ADARB2: variants seen among roughly 807,000 people sequenced by gnomAD.
ADARB2 encodes inactive double-stranded RNA-specific editase B2.
In ADARB2, 25 loss-of-function variants were observed where a neutral mutation model predicts 62.2. The ratio of observed to expected loss-of-function variants is 0.40; its 90% CI spans 0.29 to 0.56. ADARB2 has a LOEUF of 0.56. Among genes scored for constraint, ADARB2 ranks in the 20% least tolerant of loss-of-function variants. The pLI, the probability that ADARB2 is intolerant of heterozygous loss-of-function variation, is 0.43. For missense variants in ADARB2, 1,071 were observed against 1,077.4 expected, an observed-to-expected ratio of 0.99 and a Z score of 0.08; for synonymous variants, 572 against 500.8, an observed-to-expected ratio of 1.14 and a Z score of -1.90.
intron 1 of ADARB2, among the ~76,000 whole-genome samples, chr10:1,608,412 C>T (rs1315477073): frequency 6.6e-6 from 1 of 151,528 alleles, no homozygotes; most frequent in African/African-American, 2.4e-5. Flanking sequence ...AAGAACTCTA[C>T]CACTCTATCT....
At chr10:1,474,717 T>C (rs563944913) in intron 1 of ADARB2, among the ~76,000 whole-genome samples, 1 of 152,184 alleles carries the variant, frequency 6.6e-6, no homozygotes, top group African/African-American at 2.4e-5. Context: ...TGCGTGGGAA[T>C]GGATGAGCCC....
intron 1 of ADARB2, among the ~76,000 whole-genome samples, chr10:1,544,063 A>C (rs11250606): frequency 0.59 from 89,015 of 150,706 alleles, 26,545 homozygotes; most frequent in East Asian, 0.76. Flanking sequence ...ACGTGATGAA[A>C]GGGCAATGAT....
intron 8 of ADARB2, among the ~76,000 whole-genome samples, chr10:1,195,308 C>T (rs1836894679): frequency 6.6e-5 from 10 of 152,004 alleles, no homozygotes; most frequent in Admixed American, 3.9e-4. Flanking sequence ...GTTTGTGGTG[C>T]AGTCCCATGG....
chr10:1,451,369 C>T (rs182904189), intron 1 of ADARB2, among the ~76,000 whole-genome samples: 129 of 152,322 alleles, frequency 8.5e-4, no homozygotes, highest in Non-Finnish European at 1.5e-3. Context: ...CAACTTTGCA[C>T]CTGGCGGTGC....
At chr10:1,662,950 C>T (rs1834268315) in intron 1 of ADARB2, among the ~76,000 whole-genome samples, 1 of 152,130 alleles carries the variant, frequency 6.6e-6, no homozygotes, top group Non-Finnish European at 1.5e-5. Flanking sequence ...AGGGTGTGAC[C>T]CAGAGAACTG....
chr10:1,364,048 G>A, intron 2 of ADARB2, 131 bp from the exon 3 acceptor site: 1 of 1,258,776 alleles, frequency 7.9e-7, no homozygotes, highest in Non-Finnish European at 1.0e-6. Context: ...CCTGAGAAAT[G>A]ACTGTGGCCG....
chr10:1,623,039 C>T (rs909652165), intron 1 of ADARB2, among the ~76,000 whole-genome samples: 1 of 152,090 alleles, frequency 6.6e-6, no homozygotes. Context: ...AGATGAGCCT[C>T]AAAAACATTG....
chr10:1,679,613 A>G (rs1372054582), intron 1 of ADARB2, among the ~76,000 whole-genome samples: 1 of 152,136 alleles, frequency 6.6e-6, no homozygotes, highest in Non-Finnish European at 1.5e-5. Context: ...TTAATGCCTC[A>G]TTATGGCCAT....
At chr10:1,184,470 T>G (rs1836723663) in intron 9 of ADARB2, among the ~76,000 whole-genome samples, 1 of 152,330 alleles carries the variant, frequency 6.6e-6, no homozygotes, top group African/African-American at 2.4e-5. Flanking sequence ...TGTGAAATTT[T>G]GGGGAAATTA....
intron 4 of ADARB2, among the ~76,000 whole-genome samples, chr10:1,270,386 CTGGAAA>C (rs1441322262): frequency 6.6e-6 from 1 of 152,176 alleles, no homozygotes; most frequent in African/African-American, 2.4e-5. Flanking sequence ...GTGAAAAACT[CTGGAAA>C]TGGAAATGGT....
intron 7 of ADARB2, among the ~76,000 whole-genome samples, chr10:1,208,909 G>A (rs899185138): frequency 2.0e-5 from 3 of 152,172 alleles, no homozygotes; most frequent in Non-Finnish European, 4.4e-5. Context: ...CTGCTGGGGC[G>A]CCCGGAGCCT....
At chr10:1,705,965 T>G (rs1477178714) in intron 1 of ADARB2, among the ~76,000 whole-genome samples, 1 of 152,258 alleles carries the variant, frequency 6.6e-6, no homozygotes, top group Non-Finnish European at 1.5e-5. Flanking sequence ...ATGCCTTATT[T>G]TAAATTTATG....
chr10:1,414,667 C>G (rs780591754), intron 1 of ADARB2, among the ~76,000 whole-genome samples: 16 of 152,244 alleles, frequency 1.1e-4, no homozygotes, highest in Non-Finnish European at 2.4e-4. Flanking sequence ...CATGTGCTCC[C>G]AGAGCTTGGG....
At chr10:1,581,995 T>C (rs1361651203) in intron 1 of ADARB2, among the ~76,000 whole-genome samples, 1 of 152,160 alleles carries the variant, frequency 6.6e-6, no homozygotes, top group Non-Finnish European at 1.5e-5. Context: ...TGCGGTCCAC[T>C]GAGCTTGGTT....
intron 1 of ADARB2, among the ~76,000 whole-genome samples, chr10:1,541,097 TCACAG>T (rs1832418100): frequency 1.3e-5 from 1 of 79,860 alleles, no homozygotes. Context: ...AGACCCTGGA[TCACAG>T]CCGTCCAGAC....
At chr10:1,481,644 G>T (rs1054218023) in intron 1 of ADARB2, among the ~76,000 whole-genome samples, 4 of 148,250 alleles carry the variant, frequency 2.7e-5, no homozygotes, top group East Asian at 4.0e-4. Context: ...GGATCACGAG[G>T]TCAGGAGTTC....
intron 3 of ADARB2, among the ~76,000 whole-genome samples, chr10:1,318,927 G>A (rs376827111): frequency 9.2e-5 from 14 of 152,170 alleles, no homozygotes; most frequent in Admixed American, 2.0e-4. Flanking sequence ...TAGATGGACC[G>A]TGCTCCAAAG....
chr10:1,362,633 C>T (rs1367779970), intron 3 of ADARB2, among the ~76,000 whole-genome samples: 1 of 152,148 alleles, frequency 6.6e-6, no homozygotes, highest in South Asian at 2.1e-4. Flanking sequence ...GCGGCCTCTC[C>T]GGCTGCTCCC....
chr10:1,602,886 CTT>C (rs756006797), intron 1 of ADARB2, among the ~76,000 whole-genome samples: 35 of 151,996 alleles, frequency 2.3e-4, no homozygotes, highest in Non-Finnish European at 3.7e-4. Context: ...CACACACACA[CTT>C]GTACATACAC....
Sources: allele counts gnomAD v4.1 joint callset (sites outside exome capture counted in the v4.1 genomes callset), GRCh38; gene constraint gnomAD v4.1.1; transcripts MANE v1.5; gene names NCBI Gene and HGNC (gene_info 2026-07-23, HGNC 2026-07-21).